Variants in GSK3B observed in about 807,000 individuals in gnomAD.
GSK3B encodes the protein glycogen synthase kinase 3 beta, also known as glycogen synthase kinase-3 beta.
In GSK3B, 15 loss-of-function variants were observed where a neutral mutation model predicts 56.4. The ratio of observed to expected loss-of-function variants is 0.27; its 90% confidence interval spans 0.18 to 0.41. The LOEUF (loss-of-function observed/expected upper bound fraction) is 0.41, where lower values mean the gene tolerates loss of function less well. GSK3B is among the 10% of genes least tolerant of loss of function. The pLI is 1.00. For synonymous variants in GSK3B, 181 were observed against 188.9 expected (o/e 0.96, Z 0.34); for missense variants, 300 against 513.4 (o/e 0.58, Z 4.02).
In GSK3B at chr3:120,046,095, G is replaced by A. The variant is rs573193245; in HGVS notation, c.89-43856C>T. Reference sequence around the variant, plus strand: ...ATGGGAGGAGGTGGATGGGAGGAGGGGATGGGAGGAGGGGGATGAGAAGGT... The same window carrying A: ...ATGGGAGGAGGTGGATGGGAGGAGGAGATGGGAGGAGGGGGATGAGAAGGT... On this transcript the variant is annotated intron_variant, in intron 1 of 10. Transcript: ENST00000264235. 4.6e-5 allele frequency among the ~76,000 whole-genome samples: 7 copies of A among 152,082 alleles called. No homozygotes were observed. The East Asian group carries it at 1.4e-3, about 29-fold the overall frequency.
chr3:120,008,289 A>C (rs2057746907), intron 1 of GSK3B, among the ~76,000 whole-genome samples: 1 of 152,238 alleles, frequency 6.6e-6, no homozygotes, highest in South Asian at 2.1e-4. Context: ...CAATATCGTG[A>C]AAATGGCCTT....
intron 2 of GSK3B, 102 bp from the exon 3 acceptor site, chr3:119,947,453 G>C: frequency 1.4e-6 from 1 of 736,578 alleles, no homozygotes; most frequent in Non-Finnish European, 2.3e-6. Flanking sequence ...AAATTAGCAA[G>C]CTATAGATAT....
At chr3:119,950,342 T>C (rs566736390) in intron 2 of GSK3B, among the ~76,000 whole-genome samples, 3 of 152,268 alleles carry the variant, frequency 2.0e-5, no homozygotes, top group Admixed American at 6.5e-5. Context: ...GGTTAAGATA[T>C]GAACATCAAC....
At chr3:119,943,188 TTCAG>T (rs1196583502) in intron 3 of GSK3B, among the ~76,000 whole-genome samples, 2 of 152,212 alleles carry the variant, frequency 1.3e-5, no homozygotes, top group Non-Finnish European at 2.9e-5. Context: ...AGACATATCA[TTCAG>T]TCAAACTGTG....
At chr3:119,929,672 G>A (rs1318139142) in intron 3 of GSK3B, among the ~76,000 whole-genome samples, 5 of 152,082 alleles carry the variant, frequency 3.3e-5, no homozygotes, top group Non-Finnish European at 4.4e-5. Context: ...GCAGGCCGAG[G>A]TGGGCGGATC....
Position 119,863,429 on chromosome 3 carries a change from G to C in GSK3B, c.1086C>G (p.Phe362Leu). The C allele has an allele frequency of 6.2e-7, 1 of 1,613,306 alleles. No homozygotes were observed. Among genetic ancestry groups the C allele is most frequent in the African/African-American group, 1.3e-5 (1 of 75,040 alleles). The change falls in exon 9 of 11, where the codon TTC becomes TTG. Residue 362 changes from phenylalanine (F) to leucine (L), a missense_variant. Around this residue, in one of 6 missense-constraint regions of GSK3B, gnomAD observed 88 missense variants for 92.7 expected, o/e 0.95. Transcript: ENST00000264235. ...AGTGTTTGGAGTTACCTTGAGTGGT[G>C]AAGTTGAAGAGTGCAGGTGTGTCTC... Reference protein sequence around the residue: ...NGRDTPALFNFTTQELSSNPP... With the variant: ...NGRDTPALFNLTTQELSSNPP...
At chr3:120,011,138 G>A (rs1051432213) in intron 1 of GSK3B, among the ~76,000 whole-genome samples, 1 of 152,122 alleles carries the variant, frequency 6.6e-6, no homozygotes. Context: ...AACAAAAACT[G>A]TCTGGGGTCC....
intron 1 of GSK3B, among the ~76,000 whole-genome samples, chr3:120,036,777 A>G (rs1274399372): frequency 7.8e-6 from 1 of 128,044 alleles, no homozygotes; most frequent in Non-Finnish European, 1.6e-5. Context: ...TGGGCGACAG[A>G]GTAAGACTCC....
intron 2 of GSK3B, among the ~76,000 whole-genome samples, chr3:119,963,471 A>T (rs1228040550): frequency 6.6e-6 from 1 of 151,982 alleles, no homozygotes; most frequent in East Asian, 1.9e-4. Flanking sequence ...AAACAGTATG[A>T]TACAAGCATA....
At chr3:120,047,492 T>C (rs903121331) in intron 1 of GSK3B, among the ~76,000 whole-genome samples, 16 of 152,184 alleles carry the variant, frequency 1.1e-4, no homozygotes, top group African/African-American at 3.6e-4. Flanking sequence ...AGTGTAAGTC[T>C]CACACTAAAT....
At chr3:119,835,567 CATA>C (rs1213904508) in intron 10 of GSK3B, among the ~76,000 whole-genome samples, 3 of 152,092 alleles carry the variant, frequency 2.0e-5, no homozygotes, top group African/African-American at 7.2e-5. Flanking sequence ...TAGACTAAAA[CATA>C]ATGTTATGTG....
rs201107306 is a variant in GSK3B, at chr3:119,916,181, T to A, written c.478-7A>T. 1.3e-6 allele frequency: 2 copies of A among 1,585,252 alleles called. No individual in the cohort carries two copies. The highest frequency in any genetic ancestry group is 2.7e-5 in the African/African-American group (2 of 74,290). On this transcript the variant is annotated splice_region_variant and splice_polypyrimidine_tract_variant and intron_variant, in intron 4 of 10. Coordinates refer to ENST00000264235, the MANE Select transcript of GSK3B (RefSeq NM_001146156.2). ...ACAGCTGATACATATACAACTGGAA[T>A]AGATAGTAGAAATTAATTAAATACT...
chr3:120,077,619 AGAGTT>A (rs2058378482), intron 1 of GSK3B, among the ~76,000 whole-genome samples: 1 of 151,684 alleles, frequency 6.6e-6, no homozygotes. Flanking sequence ...GCTTTTGTTA[AGAGTT>A]GAGTAGATTA....
intron 1 of GSK3B, among the ~76,000 whole-genome samples, chr3:120,040,832 G>A (rs1484794552): frequency 6.6e-6 from 1 of 151,342 alleles, no homozygotes; most frequent in Non-Finnish European, 1.5e-5. Flanking sequence ...TTCCTCTCAG[G>A]CAGCTGTTGC....
rs1559797946 is a variant in GSK3B at position 119,826,875 on chromosome 3, AAG to A, written c.1196-22_1196-21del. 10 of 1,509,832 alleles carry A rather than the reference AAG, an allele frequency of 6.6e-6. No individual in the cohort carries two copies. Among genetic ancestry groups the A allele is most frequent in the Non-Finnish European group, 9.2e-6 (10 of 1,085,290 alleles). The allele number at this position is 1,509,832 out of a possible 1,614,324, so 93.5% of individuals were successfully genotyped here. ...TAGCATCTGCAAGTCAAAAAGTCCC[AAG>A]AGAGAGCATGAGCAATGCTATAACA... On this transcript the variant is annotated intron_variant, in intron 10 of 10. Transcript: ENST00000264235.
chr3:119,878,053 T>C (rs1424241549), intron 7 of GSK3B, among the ~76,000 whole-genome samples: 1 of 152,176 alleles, frequency 6.6e-6, no homozygotes, highest in Admixed American at 6.5e-5. Context: ...TCTGTAACCA[T>C]TCAGGGCAAA....
At chr3:119,896,396 G>A (rs2056563868) in intron 7 of GSK3B, among the ~76,000 whole-genome samples, 1 of 151,710 alleles carries the variant, frequency 6.6e-6, no homozygotes, top group Non-Finnish European at 1.5e-5. Context: ...AATAGAAAGG[G>A]GGGTATATGA....
At chr3:119,986,364 C>G (rs909440749) in intron 2 of GSK3B, among the ~76,000 whole-genome samples, 1 of 151,892 alleles carries the variant, frequency 6.6e-6, no homozygotes, top group Non-Finnish European at 1.5e-5. Context: ...AACTTCTGCA[C>G]GGTGAAAGAA....
chr3:119,917,589 T>C (rs2107459214), intron 4 of GSK3B, among the ~76,000 whole-genome samples: 1 of 150,620 alleles, frequency 6.6e-6, no homozygotes, highest in African/African-American at 2.4e-5. Context: ...ATAAATTTAC[T>C]AAAAAAAGAG....
Sources: allele counts gnomAD v4.1 joint callset (sites outside exome capture counted in the v4.1 genomes callset), GRCh38; gene constraint gnomAD v4.1.1; regional missense constraint gnomAD v4.1.1; transcripts MANE v1.5; gene names NCBI Gene and HGNC (gene_info 2026-07-23, HGNC 2026-07-21).